The following DACH1 variants were observed in gnomAD, a reference collection of about 807,000 sequenced individuals.
DACH1 encodes dachshund homolog 1.
A neutral mutation model predicts 54.2 loss-of-function variants in DACH1; 12 were observed. The observed-to-expected ratio is 0.22, with a 90% CI of 0.14 to 0.36. DACH1 has a LOEUF of 0.36. Among genes scored for constraint, DACH1 ranks in the 10% least tolerant of loss-of-function variants. The pLI is 1.00. For missense variants in DACH1, 805 were observed against 929.8 expected (o/e 0.87, Z 1.75); for synonymous variants, 386 against 366.2 (o/e 1.05, Z -0.62).
rs574572509 is a variant in DACH1 at position 71,438,500 on chromosome 13, T to C, written c.*2155A>G. The C allele has an allele frequency of 3.9e-5, 6 of 152,576 alleles. No homozygotes were observed. The highest frequency in any genetic ancestry group is 1.4e-4 in the African/African-American group (6 of 41,574). 9.5% of individuals were successfully genotyped at this position (152,576 alleles called of 1,614,324 possible). A position where few individuals can be genotyped will look rare whatever the true frequency, so the allele number is the denominator to read the frequency against. On this transcript the variant is annotated 3_prime_UTR_variant, in exon 11 of 11. Transcript: ENST00000613252. ...CTTAACATACAGCTGATAGCTTTTTTCTTTAATCCTTGCTAAAATTTCCTT... is the reference window on the plus strand; with the variant it reads ...CTTAACATACAGCTGATAGCTTTTTCCTTTAATCCTTGCTAAAATTTCCTT...
chr13:71,708,875 C>T (rs186144530), intron 1 of DACH1, among the ~76,000 whole-genome samples: 6,254 of 114,536 alleles, frequency 0.055, 462 homozygotes, highest in African/African-American at 0.17. Context: ...TTTTTTGAGA[C>T]GGAGTCTCGC....
intron 6 of DACH1, 30 bp downstream of exon 6, chr13:71,556,994 A>T (rs1593889465): frequency 6.4e-7 from 1 of 1,555,144 alleles, no homozygotes; most frequent in Non-Finnish European, 8.7e-7. Context: ...TTGAATCGGG[A>T]AAAACAAGGA....
At chr13:71,593,992 A>G (rs939943619) in intron 3 of DACH1, among the ~76,000 whole-genome samples, 7 of 151,458 alleles carry the variant, frequency 4.6e-5, no homozygotes, top group Admixed American at 4.6e-4. Flanking sequence ...TTAAAAACCT[A>G]TATTGACCAT....
At chr13:71,755,090 G>C (rs1263798309) in intron 1 of DACH1, among the ~76,000 whole-genome samples, 1 of 152,046 alleles carries the variant, frequency 6.6e-6, no homozygotes, top group African/African-American at 2.4e-5. Flanking sequence ...CTAAGATGTT[G>C]CCTGGAAACA....
At chr13:71,728,265 T>C (rs1566461934) in intron 1 of DACH1, among the ~76,000 whole-genome samples, 2 of 152,044 alleles carry the variant, frequency 1.3e-5, no homozygotes, top group Non-Finnish European at 2.9e-5. Flanking sequence ...TTTATTTTAC[T>C]GTATGATACT....
intron 2 of DACH1, among the ~76,000 whole-genome samples, chr13:71,655,673 C>T (rs553996835): frequency 6.6e-6 from 1 of 151,964 alleles, no homozygotes; most frequent in South Asian, 2.1e-4. Flanking sequence ...GCCTGGCTGC[C>T]TCTTTCTTAA....
intron 1 of DACH1, among the ~76,000 whole-genome samples, chr13:71,714,494 T>C (rs1882880755): frequency 6.6e-6 from 1 of 152,108 alleles, no homozygotes; most frequent in South Asian, 2.1e-4. Context: ...GTAAGTTAGT[T>C]ATTAGTTGAA....
rs140386264 is a variant in DACH1, at chr13:71,552,434, C to T, written c.1570+4590G>A. 4.5e-3 allele frequency among the ~76,000 whole-genome samples: 679 copies of T among 151,862 alleles called. 4 individuals carry two copies. The highest frequency in any genetic ancestry group is 0.015 in the African/African-American group (636 of 41,428). ...TTGATCAATCAAAAATTAGGTAAATCGTATAATAACAAAAATGTACATATT... is the reference window on the plus strand; with the variant it reads ...TTGATCAATCAAAAATTAGGTAAATTGTATAATAACAAAAATGTACATATT... On this transcript the variant is annotated intron_variant, in intron 6 of 10. Transcript: ENST00000613252.
intron 3 of DACH1, among the ~76,000 whole-genome samples, chr13:71,620,047 A>G (rs1336993499): frequency 6.6e-6 from 1 of 151,960 alleles, no homozygotes; most frequent in Non-Finnish European, 1.5e-5. Context: ...TGCTAAAGAA[A>G]ATAATTTACA....
intron 10 of DACH1, among the ~76,000 whole-genome samples, chr13:71,471,880 T>A (rs1282877675): frequency 6.6e-6 from 1 of 152,174 alleles, no homozygotes; most frequent in Admixed American, 6.5e-5. Flanking sequence ...TTTGGCTACA[T>A]AAAATGTACG....
chr13:71,759,213 A>C (rs905112877), intron 1 of DACH1, among the ~76,000 whole-genome samples: 4 of 145,248 alleles, frequency 2.8e-5, no homozygotes, highest in African/African-American at 1.0e-4. Flanking sequence ...TTTTGTCCCT[A>C]AAAAAAAAAG....
At chr13:71,527,038 A>C (rs1882018366) in intron 6 of DACH1, among the ~76,000 whole-genome samples, 1 of 151,924 alleles carries the variant, frequency 6.6e-6, no homozygotes, top group African/African-American at 2.4e-5. Flanking sequence ...AATACTTCTA[A>C]ACAGTAAATG....
In DACH1 at chr13:71,701,989, T is replaced by G. The variant is rs533074038; in HGVS notation, c.849-20079A>C. On this transcript the variant is annotated intron_variant, in intron 1 of 10. Transcript: ENST00000613252. ...TGCGTGTGCATGGGAAAGCTTCAGT[T>G]TCTGTTATCTGTCTTCTCTTTTTCC... Among the ~76,000 whole-genome samples the G allele has an allele frequency of 4.1e-4, 63 of 152,234 alleles. 1 individual carries two copies. The East Asian group carries it at 8.9e-3, about 21-fold the overall frequency.
chr13:71,730,380 G>A (rs752131056), intron 1 of DACH1, among the ~76,000 whole-genome samples: 6 of 152,070 alleles, frequency 3.9e-5, no homozygotes, highest in Non-Finnish European at 7.4e-5. Context: ...TAGATTAAAA[G>A]CTAAGTACAG....
chr13:71,813,619 C>G (rs966786269), intron 1 of DACH1, among the ~76,000 whole-genome samples: 1 of 152,070 alleles, frequency 6.6e-6, no homozygotes, highest in African/African-American at 2.4e-5. Context: ...GGTTTAAGAA[C>G]AAACCTATAA....
chr13:71,597,283 T>C (rs577048346), intron 3 of DACH1, among the ~76,000 whole-genome samples: 15 of 152,344 alleles, frequency 9.8e-5, no homozygotes, highest in African/African-American at 3.4e-4. Context: ...TGTGAATTAA[T>C]GCATACGTAA....
At chr13:71,631,969 T>C (rs1877138953) in intron 2 of DACH1, among the ~76,000 whole-genome samples, 1 of 152,004 alleles carries the variant, frequency 6.6e-6, no homozygotes, top group Non-Finnish European at 1.5e-5. Context: ...CATGCTGGCC[T>C]GTGCCTGTAG....
intron 6 of DACH1, among the ~76,000 whole-genome samples, chr13:71,501,731 T>C (rs1307723217): frequency 6.6e-6 from 1 of 152,194 alleles, no homozygotes; most frequent in Admixed American, 6.6e-5. Flanking sequence ...ACTTATTCTT[T>C]CTTCAGAGTC....
At chr13:71,572,260 C>T (rs1458750752) in intron 4 of DACH1, among the ~76,000 whole-genome samples, 2 of 152,086 alleles carry the variant, frequency 1.3e-5, no homozygotes, top group African/African-American at 4.8e-5. Context: ...AACATACACA[C>T]ACAGATACAC....
Sources: allele counts gnomAD v4.1 joint callset (sites outside exome capture counted in the v4.1 genomes callset), GRCh38; gene constraint gnomAD v4.1.1; transcripts MANE v1.5; gene names NCBI Gene and HGNC (gene_info 2026-07-23, HGNC 2026-07-21).